CUX2: variants seen among roughly 807,000 people sequenced by gnomAD.
The protein encoded by CUX2 is homeobox protein cut-like 2.
CUX2 carries 40 observed loss-of-function variants against 144.8 expected under a neutral mutation model. The ratio of observed to expected loss-of-function variants is 0.28; its 90% CI spans 0.21 to 0.36. The LOEUF is 0.36. Among genes scored for constraint, CUX2 ranks in the 10% least tolerant of loss-of-function variants. The pLI, the probability that CUX2 is intolerant of heterozygous loss-of-function variation, is 1.00. For missense variants in CUX2, 1,615 were observed against 1,994.0 expected (o/e 0.81, Z 3.62); for synonymous variants, 827 against 875.6 (o/e 0.94, Z 0.98).
At chr12:111,064,658 A>G (rs1313323827) in intron 1 of CUX2, among the ~76,000 whole-genome samples, 1 of 152,214 alleles carries the variant, frequency 6.6e-6, no homozygotes, top group Non-Finnish European at 1.5e-5. Flanking sequence ...AAGAGCTCCT[A>G]CTTTTATCAT....
chr12:111,044,520 GTTAGTTTGGTCC>G (rs201600940), intron 1 of CUX2, among the ~76,000 whole-genome samples: 3,656 of 152,180 alleles, frequency 0.024, 164 homozygotes, highest in African/African-American at 0.084. Flanking sequence ...CCTCCCTTCA[GTTAGTTTGGTCC>G]TTTGCTTGAA....
intron 1 of CUX2, among the ~76,000 whole-genome samples, chr12:111,203,613 G>C (rs986177345): frequency 6.6e-6 from 1 of 152,094 alleles, no homozygotes; most frequent in Non-Finnish European, 1.5e-5. Flanking sequence ...GAGTGGGCCG[G>C]AGGGTGTAGA....
chr12:111,165,571 T>C (rs1878087552), intron 1 of CUX2, among the ~76,000 whole-genome samples: 1 of 152,210 alleles, frequency 6.6e-6, no homozygotes, highest in Non-Finnish European at 1.5e-5. Flanking sequence ...ACTTGCTCAC[T>C]GTATGACCCT....
intron 18 of CUX2, among the ~76,000 whole-genome samples, chr12:111,328,944 T>TCTCC (rs1887951146): frequency 1.2e-5 from 1 of 83,946 alleles, no homozygotes; most frequent in African/African-American, 9.2e-5. Context: ...TTCACCTATC[T>TCTCC]CTCTCTCTCT....
At position 111,298,085 on chromosome 12, in the gene CUX2, C is replaced by T. The variant is rs538899596; in HGVS notation, c.705-456C>T. Among the ~76,000 whole-genome samples, 4 of 152,292 alleles carry T rather than the reference C, an allele frequency of 2.6e-5. No homozygotes were observed. The South Asian group carries it at 8.3e-4, about 32-fold the overall frequency. On this transcript the variant is annotated intron_variant, in intron 8 of 21. Transcript: ENST00000261726. ...CACAAAGTGCTCCCCACGTGCCCCC[C>T]GCGTCTCCCACCCCCTGCTAACAGA...
intron 18 of CUX2, among the ~76,000 whole-genome samples, chr12:111,325,412 G>A (rs1887728068): frequency 1.3e-5 from 2 of 152,202 alleles, no homozygotes; most frequent in Admixed American, 1.3e-4. Flanking sequence ...CCACCAAAGG[G>A]ACTGTTTATC....
In CUX2 at chr12:111,246,388, T is replaced by C. The variant is rs1883281991; in HGVS notation, c.223-17373T>C. Among the ~76,000 whole-genome samples the C allele has an allele frequency of 6.6e-6, 1 of 152,146 alleles. No homozygotes were observed. Among genetic ancestry groups the C allele is most frequent in the African/African-American group, 2.4e-5 (1 of 41,428 alleles). On this transcript the variant is annotated intron_variant, in intron 3 of 21. Transcript: ENST00000261726. The surrounding 1 kb of genome is among the most constrained non-coding windows in gnomAD (Gnocchi z 4.0). ...CTTCCTCACAGGGCTTTTAGGATGA[T>C]TTCTAGACTTAATACATATAAAGCA...
rs1218612818 is a variant in CUX2, at chr12:111,310,687, G to A, written c.1900+5G>A. ...CCATCCAAGTGCGGCAGCGAGGTGA[G>A]TGCCCAAGAGGGCCCGTCCCCGCTG... On this transcript the variant is annotated splice_donor_5th_base_variant and intron_variant, in intron 15 of 21. Coordinates refer to ENST00000261726, the MANE Select transcript of CUX2 (RefSeq NM_015267.4). The surrounding 1 kb of genome is among the most constrained non-coding windows in gnomAD (Gnocchi z 7.9). 7 of 1,577,684 alleles carry A rather than the reference G, an allele frequency of 4.4e-6. No individual in the cohort carries two copies. Among genetic ancestry groups the A allele is most frequent in the Non-Finnish European group, 6.1e-6 (7 of 1,155,972 alleles).
chr12:111,178,807 G>C lies in CUX2; in HGVS notation c.64-35393G>C, dbSNP rs1050273694. On this transcript the variant is annotated intron_variant, in intron 1 of 21. Transcript: ENST00000261726. This position sits in a 1 kb window ranked among gnomAD's most constrained non-coding sequence, Gnocchi z 5.7. ...GCTCAGATGGAAGCGCAGGGGCCGT[G>C]GGGGCTTGGGGATGTCCTGTGGTGG... Among the ~76,000 whole-genome samples the C allele has an allele frequency of 6.6e-6, 1 of 152,138 alleles. No homozygotes were observed. The highest frequency in any genetic ancestry group is 2.4e-5 in the African/African-American group (1 of 41,420).
rs1888871434 is a variant in CUX2, at chr12:111,347,713, G to A, written c.3849G>A (p.Glu1283=). Residue 1283 remains glutamate (E), a synonymous_variant, in exon 22 of 22, where the codon GAG becomes GAA. Transcript: ENST00000261726. The stretch of plus-strand genomic sequence containing the variant: ...TGGAGCTTCAGGAGGGCCCTGAGGA[G>A]AACAGCACACCCCTGACCACCCAGG... The part of the protein sequence containing the change: ...KELELQEGPE[E]NSTPLTTQDK... The A allele has an allele frequency of 6.2e-7, 1 of 1,613,924 alleles. No individual in the cohort carries two copies. The highest frequency in any genetic ancestry group is 8.5e-7 in the Non-Finnish European group (1 of 1,179,990).
rs1592837314 is a variant in CUX2, at chr12:111,034,445, C to G, written c.63+205C>G. On this transcript the variant is annotated intron_variant, in intron 1 of 21. Coordinates refer to ENST00000261726, the MANE Select transcript of CUX2 (RefSeq NM_015267.4). This position sits in a 1 kb window ranked among gnomAD's most constrained non-coding sequence, Gnocchi z 4.2. ...GCTGCTCTTTGTTCGGTTCAGTCAT[C>G]GATTAGCTGCCGCGACCATGGAGAA... Among the ~76,000 whole-genome samples the G allele has an allele frequency of 6.6e-6, 1 of 151,630 alleles. No homozygotes were observed. Among genetic ancestry groups the G allele is most frequent in the Admixed American group, 6.6e-5 (1 of 15,238 alleles).
chr12:111,319,239 A>G (rs1443031037), intron 16 of CUX2, among the ~76,000 whole-genome samples: 2 of 152,048 alleles, frequency 1.3e-5, no homozygotes, highest in African/African-American at 2.4e-5. Context: ...ACTTGAAGCC[A>G]GGAGTTTGAA....
At chr12:111,316,163 C>T (rs1226726898) in intron 16 of CUX2, among the ~76,000 whole-genome samples, 6 of 132,190 alleles carry the variant, frequency 4.5e-5, no homozygotes, top group Non-Finnish European at 4.6e-5. Flanking sequence ...TTTTTTGAGA[C>T]AGAGTTGTGC....
intron 3 of CUX2, among the ~76,000 whole-genome samples, chr12:111,252,792 T>C (rs1010969314): frequency 4.0e-5 from 6 of 150,192 alleles, no homozygotes; most frequent in Non-Finnish European, 8.9e-5. Context: ...CCAGGCGTAG[T>C]GGCTCACACC....
At chr12:111,300,121 G>A (rs993610381) in intron 9 of CUX2, among the ~76,000 whole-genome samples, 1 of 151,968 alleles carries the variant, frequency 6.6e-6, no homozygotes, top group African/African-American at 2.4e-5. Context: ...TTTAACCAGC[G>A]GCCTCTTTTT....
At chr12:111,258,315 C>A (rs190455004) in intron 3 of CUX2, among the ~76,000 whole-genome samples, 119 of 152,292 alleles carry the variant, frequency 7.8e-4, no homozygotes, top group Middle Eastern at 3.4e-3. Context: ...AAGTTTGAGA[C>A]CAGACTGGCC....
intron 1 of CUX2, among the ~76,000 whole-genome samples, chr12:111,100,758 G>A (rs1873175899): frequency 6.6e-6 from 1 of 152,230 alleles, no homozygotes; most frequent in Non-Finnish European, 1.5e-5. Context: ...AGGAGGGTGT[G>A]AGCAGTGCTC....
chr12:111,071,505 A>T (rs906338513), intron 1 of CUX2, among the ~76,000 whole-genome samples: 16 of 152,312 alleles, frequency 1.1e-4, no homozygotes, highest in Non-Finnish European at 2.1e-4. Flanking sequence ...AGTTCTTTGT[A>T]TAAAAGTCCT....
chr12:111,067,457 A>T (rs1871068750), intron 1 of CUX2, among the ~76,000 whole-genome samples: 1 of 152,226 alleles, frequency 6.6e-6, no homozygotes, highest in African/African-American at 2.4e-5. Context: ...TAAGAGACAG[A>T]GTCCTGATTT....
Sources: gnomAD v4.1 joint callset for allele counts (sites outside exome capture counted in the v4.1 genomes callset) on GRCh38, gnomAD v4.1.1 for gene constraint, Gnocchi (gnomAD v3.1) non-coding constraint, MANE v1.5 for transcripts, NCBI Gene and HGNC (gene_info 2026-07-23, HGNC 2026-07-21) for gene names.